KCTD1: variants seen among roughly 807,000 people sequenced by gnomAD.
KCTD1 encodes BTB/POZ domain-containing protein KCTD1.
KCTD1 carries 24 observed loss-of-function variants against 66.0 expected under a neutral mutation model. The observed-to-expected ratio is 0.36, with a 90% confidence interval of 0.26 to 0.51. The LOEUF is 0.51. Among genes scored for constraint, KCTD1 ranks in the 20% least tolerant of loss-of-function variants. The pLI, the probability that KCTD1 is intolerant of heterozygous loss-of-function variation, is 0.95. For missense variants in KCTD1, 943 were observed against 1,205.2 expected (o/e 0.78, Z 3.22); for synonymous variants, 511 against 517.2 (o/e 0.99, Z 0.16).
intron 1 of KCTD1, among the ~76,000 whole-genome samples, chr18:26,523,324 G>T (rs1364331939): frequency 6.6e-6 from 1 of 152,192 alleles, no homozygotes; most frequent in Non-Finnish European, 1.5e-5. Flanking sequence ...TACTTTGGGG[G>T]AAACTCTGTT....
intron 3 of KCTD1, among the ~76,000 whole-genome samples, chr18:26,471,048 AG>A (rs757214549): frequency 9.2e-5 from 14 of 152,106 alleles, no homozygotes; most frequent in Non-Finnish European, 1.6e-4. Flanking sequence ...GAATGGAAGA[AG>A]CCATGGCTGC....
chr18:26,457,253 C>T (rs542845140), intron 4 of KCTD1: 2 of 152,144 alleles, frequency 1.3e-5, no homozygotes, highest in South Asian at 4.2e-4. Context: ...ATATGCATAC[C>T]TGTCAGCATA....
At chr18:26,489,490 C>G (rs958110207) in intron 2 of KCTD1, among the ~76,000 whole-genome samples, 3 of 152,184 alleles carry the variant, frequency 2.0e-5, no homozygotes, top group Non-Finnish European at 4.4e-5. Context: ...TTCAAGCAAT[C>G]CTCCTGCCTG....
At chr18:26,549,260 G>A, upstream of KCTD1, 1 of 986,440 alleles carries the variant, frequency 1.0e-6, no homozygotes, top group Non-Finnish European at 1.2e-6. Context: ...GCGGCGAGGC[G>A]CGGGGGCCTG....
At chr18:26,597,150 G>A (rs1352653130) in intron 1 of KCTD1, among the ~76,000 whole-genome samples, 1 of 152,102 alleles carries the variant, frequency 6.6e-6, no homozygotes, top group Non-Finnish European at 1.5e-5. Context: ...AGGGGAAACT[G>A]GCTCAGGTCA....
At chr18:26,600,239 T>C (rs554878655) in intron 1 of KCTD1, 10 of 1,606,626 alleles carry the variant, frequency 6.2e-6, no homozygotes, top group Middle Eastern at 2.3e-4. Flanking sequence ...AACTGCTACC[T>C]GGGTGATGCC....
intron 2 of KCTD1, among the ~76,000 whole-genome samples, chr18:26,491,761 T>A (rs975118374): frequency 6.6e-6 from 1 of 152,158 alleles, no homozygotes; most frequent in Non-Finnish European, 1.5e-5. Flanking sequence ...TGCCCTTGGC[T>A]AGGGAATAAG....
chr18:26,630,498 T>C (rs749384050), upstream of KCTD1, among the ~76,000 whole-genome samples: 8 of 152,102 alleles, frequency 5.3e-5, no homozygotes, highest in Admixed American at 1.3e-4. Flanking sequence ...GAATATTTTG[T>C]AGAAACAGGG....
At chr18:26,613,244 A>C (rs1216788405) in intron 1 of KCTD1, among the ~76,000 whole-genome samples, 2 of 151,860 alleles carry the variant, frequency 1.3e-5, no homozygotes, top group African/African-American at 2.4e-5. Flanking sequence ...GTGTGTGAAA[A>C]ATAGCCTGAA....
At chr18:26,502,330 T>C (rs1342454518) in intron 1 of KCTD1, among the ~76,000 whole-genome samples, 1 of 152,178 alleles carries the variant, frequency 6.6e-6, no homozygotes, top group African/African-American at 2.4e-5. Flanking sequence ...ATTACAGGGG[T>C]GAGCCACCGT....
chr18:26,555,642 C>T (rs76673924), intron 1 of KCTD1, among the ~76,000 whole-genome samples: 240 of 152,328 alleles, frequency 1.6e-3, no homozygotes, highest in African/African-American at 5.6e-3. Flanking sequence ...GTATATGTCA[C>T]AAACTATGCT....
intron 2 of KCTD1, among the ~76,000 whole-genome samples, chr18:26,496,740 G>GCACA (rs111233653): frequency 0.057 from 8,416 of 148,134 alleles, 267 homozygotes; most frequent in Non-Finnish European, 0.072. Flanking sequence ...AAAAGCATGT[G>GCACA]CACACACACA....
intron 1 of KCTD1, among the ~76,000 whole-genome samples, chr18:26,611,106 T>C (rs903019941): frequency 6.6e-6 from 1 of 152,206 alleles, no homozygotes; most frequent in South Asian, 2.1e-4. Flanking sequence ...CTGCTTGAGG[T>C]TGTCCCACAT....
intron 1 of KCTD1, among the ~76,000 whole-genome samples, chr18:26,524,542 T>C (rs925556469): frequency 6.6e-6 from 1 of 152,230 alleles, no homozygotes; most frequent in Non-Finnish European, 1.5e-5. Context: ...CCCAATGATA[T>C]TATTCATTCT....
At chr18:26,512,600 A>C (rs1016540889) in intron 1 of KCTD1, among the ~76,000 whole-genome samples, 2 of 152,152 alleles carry the variant, frequency 1.3e-5, no homozygotes, top group Non-Finnish European at 2.9e-5. Context: ...GCACTATGGA[A>C]ATGAACTCCT....
intron 1 of KCTD1, among the ~76,000 whole-genome samples, chr18:26,615,729 T>A (rs1489835748): frequency 2.6e-5 from 4 of 152,208 alleles, no homozygotes; most frequent in African/African-American, 9.6e-5. Flanking sequence ...CAAAAGGCAT[T>A]TCCAAGGAAA....
intron 1 of KCTD1, among the ~76,000 whole-genome samples, chr18:26,519,544 T>C (rs1983815378): frequency 6.6e-6 from 1 of 152,236 alleles, no homozygotes; most frequent in Admixed American, 6.5e-5. Flanking sequence ...TTTATCACCA[T>C]TTAGAGGCAA....
intron 1 of KCTD1, among the ~76,000 whole-genome samples, chr18:26,509,745 A>G (rs1244808092): frequency 1.3e-5 from 2 of 152,236 alleles, no homozygotes; most frequent in African/African-American, 4.8e-5. Context: ...AAAACCCCAT[A>G]TAGCTGGAAA....
chr18:26,623,074 C>T (rs1029158858), intron 1 of KCTD1, among the ~76,000 whole-genome samples: 4 of 151,910 alleles, frequency 2.6e-5, no homozygotes, highest in African/African-American at 9.7e-5. Flanking sequence ...TGTCTGGTCT[C>T]GGCCTTCACC....
Sources: allele counts gnomAD v4.1 joint callset (sites outside exome capture counted in the v4.1 genomes callset), GRCh38; gene constraint gnomAD v4.1.1; transcripts MANE v1.5; gene names NCBI Gene and HGNC (gene_info 2026-07-23, HGNC 2026-07-21).